The following IL6R variants were observed in gnomAD, a reference collection of about 807,000 sequenced individuals.
The protein encoded by IL6R is interleukin 6 receptor.
In IL6R, 38 loss-of-function variants were observed where a neutral mutation model predicts 48.3. That is an observed-to-expected ratio of 0.79 (90% CI 0.61 to 1.03). The LOEUF is 1.03. Among genes scored for constraint, IL6R ranks in the 50% least tolerant of loss-of-function variants. The pLI is 0.00. For missense variants in IL6R, 534 were observed against 618.3 expected (o/e 0.86, Z 1.45); for synonymous variants, 264 against 256.2 (o/e 1.03, Z -0.29).
rs6694817 is a variant in IL6R, at chr1:154,429,496, T to C, written c.334+52T>C. On this transcript the variant is annotated intron_variant, in intron 2 of 9. Coordinates refer to ENST00000368485, the MANE Select transcript of IL6R (RefSeq NM_000565.4). ...GATAGTTCCCGTAAGAAATGAGGCTTTGTGCATTCCAGACAGTCCCTGTCT... is the reference window on the plus strand; with the variant it reads ...GATAGTTCCCGTAAGAAATGAGGCTCTGTGCATTCCAGACAGTCCCTGTCT... 894,467 of 1,565,550 alleles carry C rather than the reference T, an allele frequency of 0.57. 257,789 individuals are homozygous for C. The highest frequency in any genetic ancestry group is 0.68 in the African/African-American group (50,570 of 74,286).
chr1:154,451,399 T>C (rs1690570810), intron 8 of IL6R, among the ~76,000 whole-genome samples: 1 of 152,036 alleles, frequency 6.6e-6, no homozygotes, highest in Non-Finnish European at 1.5e-5. Context: ...GTGCCTATAA[T>C]CCCAGCTACT....
Position 154,405,542 on chromosome 1 carries a change from C to A in IL6R, c.-88C>A. On this transcript the variant is annotated 5_prime_UTR_variant, in exon 1 of 10. Coordinates refer to ENST00000368485, the MANE Select transcript of IL6R (RefSeq NM_000565.4). This position sits in a 1 kb window ranked among gnomAD's most constrained non-coding sequence, Gnocchi z 5.2. ...CTGAGCCCGCCTGCCCGCCCACCGC[C>A]CCGCCCCGCCCCTGCCACCCCTGCC... is the stretch of plus-strand genomic sequence containing the variant. 1 of 549,658 alleles carries A rather than the reference C, an allele frequency of 1.8e-6. No homozygotes were observed. Among genetic ancestry groups the A allele is most frequent in the Non-Finnish European group, 3.1e-6 (1 of 322,384 alleles). The allele number at this position is 549,658 out of a possible 1,614,324, so 34.0% of individuals were successfully genotyped here. A position where few individuals can be genotyped will look rare whatever the true frequency, so the allele number is the denominator to read the frequency against.
At position 154,429,228 on chromosome 1, in the gene IL6R, G is replaced by A; in HGVS notation, c.118G>A (p.Gly40Arg). The change falls in exon 2 of 10, where the codon GGA (glycine) becomes AGA (arginine). Residue 40 changes from glycine to arginine, a missense_variant. Physicochemically the swap from Gly to Arg is moderately radical, Grantham distance 125. Transcript: ENST00000368485. ...VARGVLTSLPGDSVTLTCPGV... is the reference protein window; with the variant it reads ...VARGVLTSLPRDSVTLTCPGV... ...GAGAGGCGTGCTGACCAGTCTGCCA[G>A]GAGACAGCGTGACTCTGACCTGCCC... 6.2e-7 allele frequency: 1 copy of A among 1,613,804 alleles called. No individual in the cohort carries two copies. Among genetic ancestry groups the A allele is most frequent in the Non-Finnish European group, 8.5e-7 (1 of 1,179,710 alleles).
At position 154,405,473 on chromosome 1, in the gene IL6R, G is replaced by T; in HGVS notation, c.-157G>T. Reference sequence around the variant, plus strand: ...CGCGGGGCCGAGGGACTCGCAGTGTGTGTAGAGAGCCGGGCTCCTGCGGAT... The same window carrying T: ...CGCGGGGCCGAGGGACTCGCAGTGTTTGTAGAGAGCCGGGCTCCTGCGGAT... On this transcript the variant is annotated 5_prime_UTR_variant, in exon 1 of 10. Coordinates refer to ENST00000368485, the MANE Select transcript of IL6R (RefSeq NM_000565.4). This position sits in a 1 kb window ranked among gnomAD's most constrained non-coding sequence, Gnocchi z 5.2. 1.6e-6 allele frequency: 1 copy of T among 637,018 alleles called. No homozygotes were observed. The highest frequency in any genetic ancestry group is 2.6e-6 in the Non-Finnish European group (1 of 391,826). 39.5% of individuals were successfully genotyped at this position (637,018 alleles called of 1,614,324 possible). A position where few individuals can be genotyped will look rare whatever the true frequency, so the allele number is the denominator to read the frequency against.
chr1:154,430,466 C>T lies in IL6R; in HGVS notation c.335-17C>T. ...ATCCCCGCCCGCCTGCTGACACCTG[C>T]AATGCTTTCCTTTCAGTTCCCCCCG... On this transcript the variant is annotated splice_polypyrimidine_tract_variant and intron_variant, in intron 2 of 9. Transcript: ENST00000368485. 6.2e-7 allele frequency: 1 copy of T among 1,612,084 alleles called. No homozygotes were observed. Among genetic ancestry groups the T allele is most frequent in the Non-Finnish European group, 8.5e-7 (1 of 1,179,588 alleles).
At chr1:154,437,147 A>T (rs1689668286) in intron 6 of IL6R, among the ~76,000 whole-genome samples, 1 of 152,196 alleles carries the variant, frequency 6.6e-6, no homozygotes, top group Non-Finnish European at 1.5e-5. Context: ...CCCAGGCTGG[A>T]GTGCAGTGGC....
chr1:154,461,759 C>T (rs751746058), intron 9 of IL6R, among the ~76,000 whole-genome samples: 2 of 152,174 alleles, frequency 1.3e-5, no homozygotes, highest in Non-Finnish European at 2.9e-5. Context: ...TCTGCCCACA[C>T]CTCAAATCCA....
intron 9 of IL6R, among the ~76,000 whole-genome samples, chr1:154,459,606 G>A (rs1691125527): frequency 6.6e-6 from 1 of 152,038 alleles, no homozygotes; most frequent in Non-Finnish European, 1.5e-5. Flanking sequence ...TCTTTTTCCA[G>A]CAATATCAGT....
intron 9 of IL6R, among the ~76,000 whole-genome samples, chr1:154,464,166 A>T (rs5777914): frequency 0.16 from 3,752 of 23,068 alleles, 166 homozygotes; most frequent in African/African-American, 0.23. Flanking sequence ...CTTTTTTTTT[A>T]TTTTTGAGAC....
At chr1:154,451,986 CTCA>C (rs1306064424) in intron 8 of IL6R, among the ~76,000 whole-genome samples, 2 of 152,160 alleles carry the variant, frequency 1.3e-5, no homozygotes, top group Non-Finnish European at 2.9e-5. Context: ...CTCCCTACTC[CTCA>C]TCCTGTGTCC....
intron 1 of IL6R, among the ~76,000 whole-genome samples, chr1:154,410,917 T>G (rs907966021): frequency 2.0e-5 from 3 of 152,218 alleles, no homozygotes; most frequent in Admixed American, 6.5e-5. Flanking sequence ...TGTGTGCAAG[T>G]AGCTGTGCTA....
Position 154,468,205 on chromosome 1 carries a change from T to C in IL6R, c.*2825T>C, listed in dbSNP as rs1025492255. 5 of 152,242 alleles carry C rather than the reference T, an allele frequency of 3.3e-5. No homozygotes were observed. Among genetic ancestry groups the C allele is most frequent in the African/African-American group, 1.2e-4 (5 of 41,456 alleles). 9.4% of individuals were successfully genotyped at this position (152,242 alleles called of 1,614,324 possible). On this transcript the variant is annotated 3_prime_UTR_variant, in exon 10 of 10. Transcript: ENST00000368485. ...ACAGGTATACATCCTAAGCTCTCTA[T>C]GTTCTCTAATCTGTGGTGACTGAAC...
At chr1:154,462,953 A>G (rs2149278116) in intron 9 of IL6R, among the ~76,000 whole-genome samples, 1 of 152,232 alleles carries the variant, frequency 6.6e-6, no homozygotes, top group East Asian at 1.9e-4. Flanking sequence ...GATTACAGGC[A>G]TGCGCCACGA....
At chr1:154,448,050 T>A (rs1690374378) in intron 6 of IL6R, 75 bp from the exon 7 acceptor site, 1 of 1,226,294 alleles carries the variant, frequency 8.2e-7, no homozygotes, top group South Asian at 1.2e-5. Context: ...ACTTTTTTTT[T>A]CTGATGCTGA....
At position 154,405,598 on chromosome 1, in the gene IL6R, C is replaced by A. The variant is rs1205568139; in HGVS notation, c.-32C>A. The A allele has an allele frequency of 2.0e-6, 3 of 1,493,448 alleles. No homozygotes were observed. Among genetic ancestry groups the A allele is most frequent in the Non-Finnish European group, 1.8e-6 (2 of 1,122,744 alleles). The allele number at this position is 1,493,448 out of a possible 1,614,324, so 92.5% of individuals were successfully genotyped here. A position where few individuals can be genotyped will look rare whatever the true frequency, so the allele number is the denominator to read the frequency against. Reference sequence around the variant, plus strand: ...GTTCCCATTAGCCTGTCCGCCTCTGCGGGACCATGGAGTGGTAGCCGAGGA... The same window carrying A: ...GTTCCCATTAGCCTGTCCGCCTCTGAGGGACCATGGAGTGGTAGCCGAGGA... On this transcript the variant is annotated 5_prime_UTR_variant, in exon 1 of 10. Coordinates refer to ENST00000368485, the MANE Select transcript of IL6R (RefSeq NM_000565.4). This position sits in a 1 kb window ranked among gnomAD's most constrained non-coding sequence, Gnocchi z 5.2.
intron 4 of IL6R, 35 bp downstream of exon 4, chr1:154,434,735 C>T: frequency 6.3e-7 from 1 of 1,586,916 alleles, no homozygotes; most frequent in African/African-American, 1.4e-5. Context: ...CAGCAGTTTC[C>T]TTCTCTTTTG....
At chr1:154,459,877 C>T (rs1438472139) in intron 9 of IL6R, among the ~76,000 whole-genome samples, 1 of 152,058 alleles carries the variant, frequency 6.6e-6, no homozygotes, top group Non-Finnish European at 1.5e-5. Flanking sequence ...TATGTGTATG[C>T]CTATGACTTA....
Position 154,465,693 on chromosome 1 carries a change from GTGGGGGCCT to G in IL6R, c.*314_*322del. 1 of 339,100 alleles carries G rather than the reference GTGGGGGCCT, an allele frequency of 2.9e-6. No individual in the cohort carries two copies. The highest frequency in any genetic ancestry group is 4.3e-5 in the Admixed American group (1 of 23,306). The allele number at this position is 339,100 out of a possible 1,614,324, so 21.0% of individuals were successfully genotyped here. On this transcript the variant is annotated 3_prime_UTR_variant, in exon 10 of 10. Transcript: ENST00000368485. ...GGACACTCAAAAGCTGGGCAGGTTG[GTGGGGGCCT>G]CGGTGTGGAGAAGCGGCTGGCAGCC...
At chr1:154,411,778 G>A (rs545869248) in intron 1 of IL6R, among the ~76,000 whole-genome samples, 1 of 152,144 alleles carries the variant, frequency 6.6e-6, no homozygotes, top group South Asian at 2.1e-4. Context: ...CAAGGCAGGA[G>A]GATCACTTGA....
Sources: allele counts gnomAD v4.1 joint callset (sites outside exome capture counted in the v4.1 genomes callset), GRCh38; gene constraint gnomAD v4.1.1; non-coding constraint Gnocchi (gnomAD v3.1); transcripts MANE v1.5; gene names NCBI Gene and HGNC (gene_info 2026-07-23, HGNC 2026-07-21).